STK32B: variants seen among roughly 807,000 people sequenced by gnomAD.
STK32B encodes the protein serine/threonine-protein kinase 32B.
In STK32B, 43 loss-of-function variants were observed where a neutral mutation model predicts 52.6. The ratio of observed to expected loss-of-function variants is 0.82; its 90% CI spans 0.64 to 1.05. STK32B has a LOEUF of 1.05. STK32B is among the 50% of genes least tolerant of loss of function. The pLI is 0.00. For missense variants in STK32B, 621 were observed against 534.6 expected (o/e 1.16, Z -1.59); for synonymous variants, 238 against 204.3 (o/e 1.17, Z -1.41).
At chr4:5,116,176 G>T (rs1291597262) in intron 1 of STK32B, among the ~76,000 whole-genome samples, 1 of 149,480 alleles carries the variant, frequency 6.7e-6, no homozygotes, top group African/African-American at 2.6e-5. Flanking sequence ...ATGTGTGTGT[G>T]CATGCACGCA....
intron 11 of STK32B, among the ~76,000 whole-genome samples, chr4:5,481,906 A>G (rs1206477340): frequency 6.6e-6 from 1 of 152,024 alleles, no homozygotes; most frequent in African/African-American, 2.4e-5. Context: ...GATATGCGGC[A>G]TTATTTCTGA....
intron 3 of STK32B, among the ~76,000 whole-genome samples, chr4:5,220,814 A>G (rs949297787): frequency 6.6e-5 from 10 of 152,268 alleles, no homozygotes; most frequent in South Asian, 4.1e-4. Context: ...TGTTGCAGTA[A>G]TCAACTAAGG....
intron 1 of STK32B, 66 bp downstream of exon 1, chr4:5,051,981 G>A (rs1015237585): frequency 3.9e-6 from 6 of 1,547,434 alleles, no homozygotes; most frequent in African/African-American, 2.8e-5. Flanking sequence ...ACCCTCGGCC[G>A]AGCCCTGCGG....
chr4:5,151,561 A>G (rs1717366468), intron 2 of STK32B, among the ~76,000 whole-genome samples: 1 of 152,230 alleles, frequency 6.6e-6, no homozygotes, highest in South Asian at 2.1e-4. Context: ...CTAGTGTAGC[A>G]CCAAAGTAAA....
At chr4:5,450,214 A>G (rs186667015) in intron 7 of STK32B, among the ~76,000 whole-genome samples, 102 of 152,288 alleles carry the variant, frequency 6.7e-4, no homozygotes, top group African/African-American at 2.4e-3. Context: ...TTGAAAGAAA[A>G]AGGCCCAAGT....
chr4:5,496,187 C>T (rs1402904986), intron 11 of STK32B, among the ~76,000 whole-genome samples: 3 of 152,244 alleles, frequency 2.0e-5, no homozygotes, highest in African/African-American at 7.2e-5. Context: ...AGAGGTGGAG[C>T]CTACAGAGGC....
intron 5 of STK32B, among the ~76,000 whole-genome samples, chr4:5,413,330 AT>A: frequency 6.6e-6 from 1 of 152,318 alleles, no homozygotes; most frequent in South Asian, 2.1e-4. Context: ...AGTAAAGGGT[AT>A]TTTTTAGCTG....
chr4:5,435,009 C>A (rs947075373), intron 6 of STK32B, among the ~76,000 whole-genome samples: 1 of 152,162 alleles, frequency 6.6e-6, no homozygotes, highest in Non-Finnish European at 1.5e-5. Context: ...CCCCTAATCT[C>A]TGTGGGCCTC....
At chr4:5,448,855 A>T (rs1429801263) in intron 7 of STK32B, among the ~76,000 whole-genome samples, 1 of 152,172 alleles carries the variant, frequency 6.6e-6, no homozygotes, top group East Asian at 1.9e-4. Context: ...GGTTTATGCA[A>T]ATAATTTATT....
chr4:5,094,977 G>C (rs28375845), intron 1 of STK32B, among the ~76,000 whole-genome samples: 38,373 of 152,158 alleles, frequency 0.25, 5,680 homozygotes, highest in Non-Finnish European at 0.34. Flanking sequence ...GGGCACTGTG[G>C]GCTCAGAGAG....
At chr4:5,205,451 C>A (rs1722490729) in intron 3 of STK32B, among the ~76,000 whole-genome samples, 1 of 152,156 alleles carries the variant, frequency 6.6e-6, no homozygotes. Flanking sequence ...AAAGACAAGG[C>A]AAGGTCCAGG....
In STK32B at chr4:5,174,398, G is replaced by C. The variant is rs571258544; in HGVS notation, c.260+5948G>C. On this transcript the variant is annotated intron_variant, in intron 3 of 11. Transcript: ENST00000282908. Reference sequence around the variant, plus strand: ...GTTGATGCAGTTTCTTCCTAGCCTCGATGGTCTTTACAATTTGGCATGTTT... The same window carrying C: ...GTTGATGCAGTTTCTTCCTAGCCTCCATGGTCTTTACAATTTGGCATGTTT... Among the ~76,000 whole-genome samples the C allele has an allele frequency of 2.1e-4, 32 of 152,274 alleles. 1 individual carries two copies. The highest frequency in any genetic ancestry group is 6.7e-4 in the African/African-American group (28 of 41,556).
At chr4:5,359,378 ACCCT>A (rs200711622) in intron 4 of STK32B, among the ~76,000 whole-genome samples, 2,381 of 123,042 alleles carry the variant, frequency 0.019, 26 homozygotes, top group African/African-American at 0.045. Context: ...CACTCATCCA[ACCCT>A]CCCTCCCTCC....
chr4:5,331,454 C>A, intron 4 of STK32B, 61 bp downstream of exon 4: 1 of 1,538,054 alleles, frequency 6.5e-7, no homozygotes, highest in Non-Finnish European at 8.8e-7. Flanking sequence ...GTGTCAGGAG[C>A]AGTCTGCAGT....
At chr4:5,240,157 T>C (rs1196904346) in intron 3 of STK32B, among the ~76,000 whole-genome samples, 1 of 152,054 alleles carries the variant, frequency 6.6e-6, no homozygotes, top group Admixed American at 6.5e-5. Context: ...TTTCTTTGTA[T>C]TTATTCTCCT....
At chr4:5,405,916 A>T (rs192307862) in intron 5 of STK32B, among the ~76,000 whole-genome samples, 1 of 152,238 alleles carries the variant, frequency 6.6e-6, no homozygotes, top group East Asian at 1.9e-4. Flanking sequence ...ACATTTCAAA[A>T]TACAATCATG....
intron 1 of STK32B, among the ~76,000 whole-genome samples, chr4:5,136,023 A>G (rs1167599995): frequency 6.6e-6 from 1 of 152,104 alleles, no homozygotes; most frequent in African/African-American, 2.4e-5. Flanking sequence ...CTCCTTAGAA[A>G]TTCAGGAGGT....
intron 3 of STK32B, among the ~76,000 whole-genome samples, chr4:5,317,097 G>A (rs1264507494): frequency 3.0e-4 from 8 of 26,426 alleles, no homozygotes; most frequent in South Asian, 2.1e-3. Flanking sequence ...TAATATATAT[G>A]ATATAATATA....
chr4:5,360,956 A>G (rs1459097889), intron 4 of STK32B, among the ~76,000 whole-genome samples: 2 of 152,140 alleles, frequency 1.3e-5, no homozygotes, highest in Non-Finnish European at 2.9e-5. Context: ...GCAAAACCGA[A>G]ATTCTGTATC....
Sources: allele counts gnomAD v4.1 joint callset (sites outside exome capture counted in the v4.1 genomes callset), GRCh38; gene constraint gnomAD v4.1.1; transcripts MANE v1.5; gene names NCBI Gene and HGNC (gene_info 2026-07-23, HGNC 2026-07-21).